SORCS1: variants seen among roughly 807,000 people sequenced by gnomAD.
SORCS1 encodes the protein VPS10 domain-containing receptor SorCS1.
A neutral mutation model predicts 146.1 loss-of-function variants in SORCS1; 60 were observed. The observed-to-expected ratio is 0.41, with a 90% CI of 0.33 to 0.51. The LOEUF (loss-of-function observed/expected upper bound fraction) is 0.51, where lower values mean the gene tolerates loss of function less well. SORCS1 is among the 20% of genes least tolerant of loss of function. The pLI is 0.21. For synonymous variants in SORCS1, 637 were observed against 584.0 expected (o/e 1.09, Z -1.31); for missense variants, 1,352 against 1,487.6 (o/e 0.91, Z 1.50).
chr10:106,829,736 T>C, intron 2 of SORCS1, 63 bp from the exon 3 acceptor site: 1 of 1,228,198 alleles, frequency 8.1e-7, no homozygotes, highest in Non-Finnish European at 1.2e-6. Flanking sequence ...CTTGTCAGTA[T>C]AATGCATGCT....
upstream of SORCS1, among the ~76,000 whole-genome samples, chr10:107,166,977 A>G (rs533591649): frequency 1.1e-4 from 17 of 152,358 alleles, no homozygotes; most frequent in South Asian, 3.1e-3. Flanking sequence ...TTTCCTTCCC[A>G]GAATTTACAA....
chr10:106,656,520 C>T (rs1274068593), intron 17 of SORCS1, among the ~76,000 whole-genome samples: 1 of 151,946 alleles, frequency 6.6e-6, no homozygotes, highest in Non-Finnish European at 1.5e-5. Context: ...TGCACCACTG[C>T]ACTCCCGAGC....
At chr10:106,595,631 T>A (rs1845861762) in intron 24 of SORCS1, among the ~76,000 whole-genome samples, 1 of 152,124 alleles carries the variant, frequency 6.6e-6, no homozygotes, top group Non-Finnish European at 1.5e-5. Context: ...TCCAAGAAGG[T>A]AAGAAGTCAG....
At chr10:106,645,914 T>C (rs1478209578) in intron 18 of SORCS1, among the ~76,000 whole-genome samples, 2 of 152,136 alleles carry the variant, frequency 1.3e-5, no homozygotes, top group Non-Finnish European at 2.9e-5. Context: ...TTTTTATTTT[T>C]GAAATAATGC....
At chr10:106,778,015 A>G (rs1486061635) in intron 3 of SORCS1, among the ~76,000 whole-genome samples, 1 of 152,200 alleles carries the variant, frequency 6.6e-6, no homozygotes, top group Non-Finnish European at 1.5e-5. Flanking sequence ...GAATAGAATC[A>G]TATCTTAAAA....
chr10:106,667,851 T>G (rs1322586126), intron 16 of SORCS1, 49 bp from the exon 17 acceptor site: 2 of 1,377,006 alleles, frequency 1.5e-6, no homozygotes, highest in African/African-American at 2.8e-5. Context: ...GCAAAATTAC[T>G]GAAAACAATT....
chr10:106,678,726 T>C (rs1157313108), intron 12 of SORCS1, among the ~76,000 whole-genome samples: 2 of 152,170 alleles, frequency 1.3e-5, no homozygotes, highest in African/African-American at 2.4e-5. Context: ...GTTTAAAGTA[T>C]TCCATTTCTA....
At chr10:106,886,558 G>A (rs1019265540) in intron 2 of SORCS1, among the ~76,000 whole-genome samples, 2 of 152,026 alleles carry the variant, frequency 1.3e-5, no homozygotes, top group African/African-American at 2.4e-5. Flanking sequence ...GATTACTATC[G>A]ATCTGTTCAG....
intron 2 of SORCS1, among the ~76,000 whole-genome samples, chr10:106,928,782 G>C (rs1427933019): frequency 6.6e-6 from 1 of 152,072 alleles, no homozygotes; most frequent in East Asian, 1.9e-4. Context: ...AGGCTAAAAG[G>C]TGTCTCAAAA....
At chr10:106,701,291 A>G in intron 8 of SORCS1, among the ~76,000 whole-genome samples, 1 of 152,224 alleles carries the variant, frequency 6.6e-6, no homozygotes, top group East Asian at 1.9e-4. Flanking sequence ...ATATATTTCT[A>G]TATTAAATCT....
At chr10:106,801,589 T>C (rs4918254) in intron 3 of SORCS1, among the ~76,000 whole-genome samples, 8,584 of 145,870 alleles carry the variant, frequency 0.059, 386 homozygotes, top group African/African-American at 0.12. Context: ...AGTGCAGTGG[T>C]GGGATCTCGG....
At chr10:106,897,207 G>A (rs1339156868) in intron 2 of SORCS1, among the ~76,000 whole-genome samples, 1 of 151,576 alleles carries the variant, frequency 6.6e-6, no homozygotes, top group African/African-American at 2.4e-5. Context: ...TAAAGGCAGG[G>A]TCTTGCTCTG....
intron 2 of SORCS1, among the ~76,000 whole-genome samples, chr10:106,942,602 C>A (rs898958632): frequency 6.6e-6 from 1 of 152,282 alleles, no homozygotes; most frequent in Middle Eastern, 3.4e-3. Context: ...CAACATACAA[C>A]CAAATGGCAG....
intron 1 of SORCS1, among the ~76,000 whole-genome samples, chr10:107,011,020 C>T (rs555575706): frequency 7.9e-5 from 12 of 152,246 alleles, no homozygotes; most frequent in Admixed American, 3.3e-4. Context: ...TCTGCCTAGA[C>T]GGATGAAGGC....
Position 106,688,216 on chromosome 10 carries a change from C to A in SORCS1, c.1536G>T (p.Arg512Ser). 2 of 1,613,948 alleles carry A rather than the reference C, an allele frequency of 1.2e-6. No individual in the cohort carries two copies. The highest frequency in any genetic ancestry group is 1.7e-5 in the Admixed American group (1 of 60,006). The change falls in exon 10 of 26, where the codon AGG becomes AGT. Residue 512 changes from arginine to serine, a missense_variant. Physicochemically the swap from Arg to Ser is moderately radical, Grantham distance 110. Coordinates refer to ENST00000263054, the MANE Select transcript of SORCS1 (RefSeq NM_052918.5). Reference sequence around the variant, plus strand: ...CCAGCAAGCAGTGCACGGGGTCCCCCCTTAGATCCGTGTCCGGCGCCTGCA... The same window carrying A: ...CCAGCAAGCAGTGCACGGGGTCCCCACTTAGATCCGTGTCCGGCGCCTGCA... ...RLLQAPDTDL[R>S]GDPVHCLLPY...
At chr10:106,983,891 C>A (rs1011510495) in intron 1 of SORCS1, among the ~76,000 whole-genome samples, 2 of 152,160 alleles carry the variant, frequency 1.3e-5, no homozygotes, top group African/African-American at 4.8e-5. Flanking sequence ...ATTCTTGTTA[C>A]CTTTAAGTTG....
At chr10:106,643,692 T>A (rs1275734844) in intron 18 of SORCS1, among the ~76,000 whole-genome samples, 1 of 152,246 alleles carries the variant, frequency 6.6e-6, no homozygotes, top group Non-Finnish European at 1.5e-5. Flanking sequence ...CCAGAAGGCA[T>A]GAATTCACAT....
chr10:106,957,160 T>TG (rs1954986125), intron 1 of SORCS1, among the ~76,000 whole-genome samples: 1 of 65,990 alleles, frequency 1.5e-5, no homozygotes, highest in South Asian at 5.2e-4. Flanking sequence ...ATGTGGTTTT[T>TG]TTTTGTTTTT....
At chr10:107,131,506 T>C (rs935767925) in intron 1 of SORCS1, among the ~76,000 whole-genome samples, 2 of 152,094 alleles carry the variant, frequency 1.3e-5, no homozygotes, top group African/African-American at 2.4e-5. Flanking sequence ...GTGGATTACC[T>C]GAGGTGAGGA....
Sources: gnomAD v4.1 joint callset for allele counts (sites outside exome capture counted in the v4.1 genomes callset) on GRCh38, gnomAD v4.1.1 for gene constraint, MANE v1.5 for transcripts, NCBI Gene and HGNC (gene_info 2026-07-23, HGNC 2026-07-21) for gene names.